ANXA6: variants seen among roughly 807,000 people sequenced by gnomAD.
ANXA6 encodes the protein 67 kDa calelectrin.
In ANXA6, 71 loss-of-function variants were observed where a neutral mutation model predicts 95.4. The ratio of observed to expected loss-of-function variants is 0.74; its 90% confidence interval spans 0.61 to 0.91. ANXA6 has a LOEUF of 0.91. Among genes scored for constraint, ANXA6 ranks in the 40% least tolerant of loss-of-function variants. The pLI is 0.00. For synonymous variants in ANXA6, 289 were observed against 315.9 expected (o/e 0.91, Z 0.90); for missense variants, 830 against 876.4 (o/e 0.95, Z 0.67).
Position 151,124,320 on chromosome 5 carries a change from A to G in ANXA6, c.1104T>C (p.Asp368=). 6.2e-6 allele frequency: 10 copies of G among 1,613,598 alleles called. No individual in the cohort carries two copies. The highest frequency in any genetic ancestry group is 8.5e-6 in the Non-Finnish European group (10 of 1,179,804). The change falls in exon 15 of 26, where the codon GAT becomes GAC. Residue 368 remains aspartate, a synonymous_variant. Coordinates refer to ENST00000354546, the MANE Select transcript of ANXA6 (RefSeq NM_001155.5). ...TCATGGCTTTCCGCAGCGCTTTGGCATCTGCGTCAGGGTTGAAGTCATTGG... is the reference window on the plus strand; with the variant it reads ...TCATGGCTTTCCGCAGCGCTTTGGCGTCTGCGTCAGGGTTGAAGTCATTGG... The part of the protein sequence containing the change: ...RPANDFNPDA[D]AKALRKAMKG...
chr5:151,123,046 C>T lies in ANXA6; in HGVS notation c.1139-35G>A, dbSNP rs754152414. On this transcript the variant is annotated intron_variant, in intron 15 of 25. Transcript: ENST00000354546. ...CAAAGCCACATGCCTCAGAAGAAGG[C>T]CTGTGGCTCTCGGCTTTCCCCATGC... is the stretch of plus-strand genomic sequence containing the variant. The T allele has an allele frequency of 5.7e-6, 9 of 1,581,456 alleles. No homozygotes were observed. The East Asian group carries it at 1.1e-4, about 20-fold the overall frequency.
intron 17 of ANXA6, among the ~76,000 whole-genome samples, chr5:151,121,659 G>A (rs1477310140): frequency 6.6e-6 from 1 of 152,172 alleles, no homozygotes; most frequent in Non-Finnish European, 1.5e-5. Context: ...CTAGGCTGGA[G>A]TACAGACTCC....
chr5:151,149,157 G>T (rs1434448457), intron 1 of ANXA6, among the ~76,000 whole-genome samples: 14 of 143,612 alleles, frequency 9.7e-5, no homozygotes, highest in African/African-American at 3.7e-4. Context: ...CTCCAGCCTG[G>T]GTGACAGGGC....
intron 2 of ANXA6, among the ~76,000 whole-genome samples, chr5:151,140,775 G>A (rs1374408145): frequency 1.3e-5 from 2 of 152,090 alleles, no homozygotes; most frequent in East Asian, 1.9e-4. Context: ...TCACCTCTGT[G>A]AATGTCATTA....
chr5:151,108,523 T>C lies in ANXA6; in HGVS notation c.1712A>G (p.Asn571Ser). 1 of 1,613,974 alleles carries C rather than the reference T, an allele frequency of 6.2e-7. No individual in the cohort carries two copies. The highest frequency in any genetic ancestry group is 2.2e-5 in the East Asian group (1 of 44,878). The change falls in exon 23 of 26, where the codon AAC becomes AGC. Residue 571 changes from asparagine (N) to serine (S), a missense_variant. Physicochemically the swap from Asn to Ser is conservative, Grantham distance 46. Coordinates refer to ENST00000354546, the MANE Select transcript of ANXA6 (RefSeq NM_001155.5). ...CTTGATGGTGTGCTCCACGTCATAG[T>C]TGGTCATCTTGATGAACTCCTGGAA... Reference protein sequence around the residue: ...RVFQEFIKMTNYDVEHTIKKE... With the variant: ...RVFQEFIKMTSYDVEHTIKKE...
rs752083256 is a variant in ANXA6, at chr5:151,136,208, C to CA, written c.489+47dup. Reference sequence around the variant, plus strand: ...CAGATCTACACCCAGATGAGCCAGACAAAAGCTATCCCAAGCTCCAGAGGA... The same window carrying CA: ...CAGATCTACACCCAGATGAGCCAGACAAAAAGCTATCCCAAGCTCCAGAGGA... On this transcript the variant is annotated intron_variant, in intron 7 of 25. Coordinates refer to ENST00000354546, the MANE Select transcript of ANXA6 (RefSeq NM_001155.5). 4 of 1,593,048 alleles carry CA rather than the reference C, an allele frequency of 2.5e-6. No homozygotes were observed. In the South Asian group the frequency reaches 4.4e-5, roughly 18 times the overall value.
intron 20 of ANXA6, among the ~76,000 whole-genome samples, chr5:151,114,540 G>A (rs1444961980): frequency 6.9e-6 from 1 of 143,898 alleles, no homozygotes; most frequent in Non-Finnish European, 1.5e-5. Context: ...CTTGAACCCA[G>A]GAGGCAGACG....
Position 151,108,501 on chromosome 5 carries a change from G to C in ANXA6, c.1734C>G (p.Ile578Met). ...TGACATCCCCAGACATCTCCTTCTT[G>C]ATGGTGTGCTCCACGTCATAGTTGG... ...KMTNYDVEHT[I>M]KKEMSGDVRD... The change falls in exon 23 of 26, where the codon ATC (isoleucine) becomes ATG (methionine). Residue 578 changes from isoleucine (I) to methionine (M), a missense_variant. Coordinates refer to ENST00000354546, the MANE Select transcript of ANXA6 (RefSeq NM_001155.5). 6.2e-7 allele frequency: 1 copy of C among 1,613,914 alleles called. No homozygotes were observed. The highest frequency in any genetic ancestry group is 1.1e-5 in the South Asian group (1 of 91,084).
At chr5:151,141,585 C>G in intron 2 of ANXA6, 1 of 985,546 alleles carries the variant, frequency 1.0e-6, no homozygotes, top group Non-Finnish European at 1.2e-6. Flanking sequence ...CTCCCCCTCT[C>G]CCCGTCTCCG....
intron 11 of ANXA6, among the ~76,000 whole-genome samples, chr5:151,130,175 A>G: frequency 6.6e-6 from 1 of 151,982 alleles, no homozygotes. Flanking sequence ...CCTGATGGTC[A>G]CTGGGTTGTT....
At chr5:151,132,292 C>A (rs1340136643) in intron 10 of ANXA6, among the ~76,000 whole-genome samples, 184 bp downstream of exon 10, 3 of 152,158 alleles carry the variant, frequency 2.0e-5, no homozygotes, top group Admixed American at 2.0e-4. Flanking sequence ...GAGGCTCAAA[C>A]CCCCTTCCCG....
At chr5:151,133,841 C>T (rs976385350) in intron 8 of ANXA6, among the ~76,000 whole-genome samples, 2 of 152,146 alleles carry the variant, frequency 1.3e-5, no homozygotes, top group Non-Finnish European at 2.9e-5. Context: ...TCCTTTCCTC[C>T]CTCTCCTAGG....
At chr5:151,120,542 C>A (rs1765138775) in intron 17 of ANXA6, among the ~76,000 whole-genome samples, 1 of 151,732 alleles carries the variant, frequency 6.6e-6, no homozygotes, top group Non-Finnish European at 1.5e-5. Context: ...CATGGTGAAA[C>A]CCCTTCTCTA....
intron 20 of ANXA6, among the ~76,000 whole-genome samples, chr5:151,115,393 G>T (rs374554902): frequency 1.3e-5 from 2 of 152,146 alleles, no homozygotes; most frequent in Non-Finnish European, 2.9e-5. Flanking sequence ...GTTGGGCAGG[G>T]ATCTCGCTCA....
At position 151,101,324 on chromosome 5, in the gene ANXA6, A is replaced by G; in HGVS notation, c.*124T>C. 2.2e-6 allele frequency: 1 copy of G among 451,670 alleles called. No homozygotes were observed. Among genetic ancestry groups the G allele is most frequent in the South Asian group, 1.8e-5 (1 of 56,852 alleles). The allele number at this position is 451,670 out of a possible 1,614,324, so 28.0% of individuals were successfully genotyped here. A position where few individuals can be genotyped will look rare whatever the true frequency, so the allele number is the denominator to read the frequency against. ...TAAGCTCCACTGAAGATAAGAGCCC[A>G]ACCCAACCCCTCCCCCCACCCCTGC... On this transcript the variant is annotated 3_prime_UTR_variant, in exon 26 of 26. Transcript: ENST00000354546.
At chr5:151,129,661 A>T in intron 11 of ANXA6, 132 bp from the exon 12 acceptor site, 1 of 1,028,522 alleles carries the variant, frequency 9.7e-7, no homozygotes, top group African/African-American at 1.6e-5. Flanking sequence ...AGACATTGCC[A>T]TTCCCATTGA....
At chr5:151,137,715 A>G (rs1176589784) in intron 5 of ANXA6, among the ~76,000 whole-genome samples, 1 of 152,190 alleles carries the variant, frequency 6.6e-6, no homozygotes, top group Non-Finnish European at 1.5e-5. Flanking sequence ...TGCTCCCACC[A>G]TGTGAGATGC....
chr5:151,132,907 C>T (rs577876492), intron 9 of ANXA6, among the ~76,000 whole-genome samples, 187 bp downstream of exon 9: 2 of 149,922 alleles, frequency 1.3e-5, no homozygotes, highest in South Asian at 2.2e-4. Context: ...CGGTTTTTGC[C>T]ATTCCTTTAA....
In ANXA6 at chr5:151,108,534, G is replaced by A; in HGVS notation, c.1701C>T (p.Ile567=). 6.2e-7 allele frequency: 1 copy of A among 1,613,918 alleles called. No individual in the cohort carries two copies. The change falls in exon 23 of 26, where the codon ATC becomes ATT. Residue 567 remains isoleucine (I), a synonymous_variant. Coordinates refer to ENST00000354546, the MANE Select transcript of ANXA6 (RefSeq NM_001155.5). ...PHLRRVFQEF[I]KMTNYDVEHT... is the part of the protein sequence containing the mutation. The stretch of plus-strand genomic sequence containing the variant: ...GCTCCACGTCATAGTTGGTCATCTT[G>A]ATGAACTCCTGGAAGACTGGCCACA...
Sources: allele counts gnomAD v4.1 joint callset (sites outside exome capture counted in the v4.1 genomes callset), GRCh38; gene constraint gnomAD v4.1.1; transcripts MANE v1.5; gene names NCBI Gene and HGNC (gene_info 2026-07-23, HGNC 2026-07-21).